The following RASEF variants were observed in gnomAD, a reference collection of about 807,000 sequenced individuals.
The protein encoded by RASEF is RAS and EF-hand domain containing, also known as ras and EF-hand domain-containing protein.
A neutral mutation model predicts 90.1 loss-of-function variants in RASEF; 68 were observed. That is an observed-to-expected ratio of 0.75 (90% CI 0.62 to 0.92). RASEF has a LOEUF of 0.92. Ranked by LOEUF, RASEF falls within the 40% of genes least tolerant of loss-of-function variation. The pLI is 0.00. For synonymous variants in RASEF, 331 were observed against 345.2 expected (o/e 0.96, Z 0.46); for missense variants, 949 against 937.2 (o/e 1.01, Z -0.16).
upstream of RASEF, chr9:83,063,202 C>T: frequency 3.3e-6 from 1 of 299,218 alleles, no homozygotes; most frequent in Non-Finnish European, 6.2e-6. Flanking sequence ...CTCCGCCCAG[C>T]CAGGGAGGAG....
chr9:82,999,980 A>G (rs1828992800), intron 12 of RASEF, among the ~76,000 whole-genome samples, 189 bp downstream of exon 12: 1 of 130,360 alleles, frequency 7.7e-6, no homozygotes, highest in Non-Finnish European at 1.6e-5. Context: ...TCCATAGACT[A>G]GGAGACACAC....
chr9:83,108,374 T>G, the RASEF span, among the ~76,000 whole-genome samples: 3 of 152,242 alleles, frequency 2.0e-5, no homozygotes, highest in Middle Eastern at 3.4e-3. Flanking sequence ...CAACCCTGTT[T>G]TTGTAAATAA....
intron 5 of RASEF, among the ~76,000 whole-genome samples, chr9:83,011,331 A>G (rs1829238939): frequency 6.6e-6 from 1 of 152,066 alleles, no homozygotes; most frequent in Non-Finnish European, 1.5e-5. Flanking sequence ...AAAGCGGGTG[A>G]TCATGAGGTC....
chr9:83,205,519 A>G, the RASEF span, among the ~76,000 whole-genome samples: 6 of 152,226 alleles, frequency 3.9e-5, no homozygotes, highest in Middle Eastern at 6.8e-3. Flanking sequence ...TTGAACTCCT[A>G]GCCATCCTTC....
At chr9:83,081,299 TC>T in the RASEF span, among the ~76,000 whole-genome samples, 1 of 152,344 alleles carries the variant, frequency 6.6e-6, no homozygotes, top group South Asian at 2.1e-4. Context: ...TCAGTCTTTT[TC>T]TGAATATTTT....
At position 82,981,379 on chromosome 9, in the gene RASEF, T is replaced by C. The variant is rs547527820; in HGVS notation, c.*1298A>G. The C allele has an allele frequency of 6.6e-5, 10 of 152,316 alleles. 1 individual carries two copies. Among genetic ancestry groups the C allele is most frequent in the African/African-American group, 2.4e-4 (10 of 41,564 alleles). 9.4% of individuals were successfully genotyped at this position (152,316 alleles called of 1,614,324 possible). ...TAAACAAAGGACCCTGACTCACCTT[T>C]CCTAATGGTGATTCCTCTTTCAAGG... On this transcript the variant is annotated 3_prime_UTR_variant, in exon 17 of 17. Transcript: ENST00000376447.
At chr9:83,094,887 T>C in the RASEF span, among the ~76,000 whole-genome samples, 1 of 152,220 alleles carries the variant, frequency 6.6e-6, no homozygotes, top group African/African-American at 2.4e-5. Context: ...CTTAGGCTAC[T>C]TGTTTCTCTT....
chr9:83,037,121 C>T (rs1048183071), intron 1 of RASEF, among the ~76,000 whole-genome samples: 17 of 152,172 alleles, frequency 1.1e-4, no homozygotes, highest in African/African-American at 3.9e-4. Context: ...TACATACCAC[C>T]TGTGAAACAT....
chr9:83,041,517 C>T lies in RASEF; in HGVS notation c.432-15596G>A, dbSNP rs1829842618. Among the ~76,000 whole-genome samples the T allele has an allele frequency of 2.6e-5, 4 of 152,280 alleles. No individual in the cohort carries two copies. In the South Asian group the frequency reaches 8.3e-4, roughly 32 times the overall value. ...TCTTATGAATTTCTTAAACACATTT[C>T]CCCTTTGAAATAAAATGTTGCTGAC... On this transcript the variant is annotated intron_variant, in intron 1 of 16. Transcript: ENST00000376447.
chr9:83,199,999 C>G, the RASEF span, among the ~76,000 whole-genome samples: 2 of 152,162 alleles, frequency 1.3e-5, no homozygotes. Context: ...CTAAGACATG[C>G]TTAAGTAAGA....
chr9:83,200,370 T>C, the RASEF span, among the ~76,000 whole-genome samples: 32 of 152,112 alleles, frequency 2.1e-4, no homozygotes, highest in Non-Finnish European at 4.3e-4. Context: ...CACTCCAGCC[T>C]GGGCAACAGA....
chr9:83,161,307 TG>T, the RASEF span, among the ~76,000 whole-genome samples: 6 of 152,300 alleles, frequency 3.9e-5, no homozygotes, highest in African/African-American at 1.2e-4. Flanking sequence ...CCTGAGACCA[TG>T]GGAACCCACC....
At chr9:83,128,017 TTTC>T in the RASEF span, among the ~76,000 whole-genome samples, 1 of 118,792 alleles carries the variant, frequency 8.4e-6, no homozygotes, top group African/African-American at 3.5e-5. Flanking sequence ...CTTTTTTATT[TTTC>T]TTTTCTTTTT....
chr9:83,014,366 T>C (rs2118521283), intron 4 of RASEF, among the ~76,000 whole-genome samples: 1 of 152,248 alleles, frequency 6.6e-6, no homozygotes, highest in Non-Finnish European at 1.5e-5. Flanking sequence ...ACTGACATAA[T>C]CATGGCTCAC....
chr9:83,018,369 C>T (rs1829381804), intron 3 of RASEF, among the ~76,000 whole-genome samples: 1 of 152,066 alleles, frequency 6.6e-6, no homozygotes, highest in African/African-American at 2.4e-5. Context: ...ATACTATTTA[C>T]AGTATCATCA....
chr9:83,118,947 A>G, the RASEF span, among the ~76,000 whole-genome samples: 2 of 152,128 alleles, frequency 1.3e-5, no homozygotes, highest in Non-Finnish European at 2.9e-5. Flanking sequence ...GTCTTACAAA[A>G]TTATATCAGC....
chr9:83,180,796 A>G, the RASEF span, among the ~76,000 whole-genome samples: 4 of 152,196 alleles, frequency 2.6e-5, no homozygotes, highest in South Asian at 4.1e-4. Context: ...TGCTTCTCCA[A>G]AGAAAAATTG....
At chr9:83,153,309 A>G in the RASEF span, among the ~76,000 whole-genome samples, 1 of 152,096 alleles carries the variant, frequency 6.6e-6, no homozygotes, top group Non-Finnish European at 1.5e-5. Flanking sequence ...TCTCTCCACA[A>G]GGCACTTATT....
At chr9:83,098,575 A>G in the RASEF span, among the ~76,000 whole-genome samples, 1 of 152,228 alleles carries the variant, frequency 6.6e-6, no homozygotes, top group Non-Finnish European at 1.5e-5. Flanking sequence ...AAGATGATGT[A>G]TTAGTCCATT....
Sources: allele counts gnomAD v4.1 joint callset (sites outside exome capture counted in the v4.1 genomes callset), GRCh38; gene constraint gnomAD v4.1.1; transcripts MANE v1.5; gene names NCBI Gene and HGNC (gene_info 2026-07-23, HGNC 2026-07-21).